The following SLC22A25 variants were observed in gnomAD, a reference collection of about 807,000 sequenced individuals.
SLC22A25 encodes solute carrier family 22 member 25.
Under a neutral mutation model 45.9 loss-of-function variants are expected in SLC22A25, and 44 were observed. The ratio of observed to expected loss-of-function variants is 0.96; its 90% CI spans 0.75 to 1.23. The LOEUF (loss-of-function observed/expected upper bound fraction) is 1.23, where lower values mean the gene tolerates loss of function less well. Among genes scored for constraint, SLC22A25 ranks in the 50% most tolerant of loss-of-function variants. The probability of loss-of-function intolerance (pLI) is 0.00; values close to 1 mark genes in which losing one functional copy is unlikely to be tolerated. For synonymous variants in SLC22A25, 283 were observed against 238.6 expected, an observed-to-expected ratio of 1.19 and a Z score of -1.72; for missense variants, 800 against 666.4, an observed-to-expected ratio of 1.20 and a Z score of -2.21.
chr11:63,166,140 G>T lies in SLC22A25; in HGVS notation c.1189C>A (p.Pro397Thr). 4 of 1,614,042 alleles carry T rather than the reference G, an allele frequency of 2.5e-6. No homozygotes were observed. The highest frequency in any genetic ancestry group is 2.5e-6 in the Non-Finnish European group (3 of 1,179,968). Residue 397 changes from proline (P) to threonine (T), a missense_variant, in exon 10 of 12, where the codon CCT becomes ACT. Transcript: ENST00000306494. The part of the protein sequence containing the change: ...AVTLLANCVA[P>T]WALNHMSRRL... ...CGGCTCATGTGATTCAGTGCCCAAG[G>T]TGCAACACAATTGGCCAGGAGGGTG... is the stretch of plus-strand genomic sequence containing the variant.
At chr11:63,211,361 G>T (rs1032719442) in intron 7 of SLC22A25, among the ~76,000 whole-genome samples, 2 of 152,176 alleles carry the variant, frequency 1.3e-5, no homozygotes, top group Admixed American at 6.5e-5. Flanking sequence ...TCTCCAGGCG[G>T]TAAACAAGGC....
chr11:63,206,886 C>G (rs1323512329), intron 7 of SLC22A25, among the ~76,000 whole-genome samples: 1 of 152,158 alleles, frequency 6.6e-6, no homozygotes, highest in African/African-American at 2.4e-5. Context: ...AACTACATTA[C>G]AAGGCTACAG....
At chr11:63,240,205 T>TA (rs1055901825) in intron 1 of SLC22A25, among the ~76,000 whole-genome samples, 10 of 152,112 alleles carry the variant, frequency 6.6e-5, no homozygotes, top group Non-Finnish European at 1.5e-4. Context: ...AGATAAAAGA[T>TA]AAAAAAATTA....
At chr11:63,212,293 T>C (rs1011730605) in intron 7 of SLC22A25, among the ~76,000 whole-genome samples, 3 of 151,984 alleles carry the variant, frequency 2.0e-5, no homozygotes, top group African/African-American at 7.3e-5. Flanking sequence ...GAAATACCAT[T>C]TGACCCAGCC....
chr11:63,243,151 G>A (rs2090278300), intron 1 of SLC22A25: 1 of 193,422 alleles, frequency 5.2e-6, no homozygotes, highest in South Asian at 1.0e-4. Flanking sequence ...CCTACTCCAA[G>A]TTGACCGTGT....
At chr11:63,203,379 T>TA (rs1232969040) in intron 7 of SLC22A25, among the ~76,000 whole-genome samples, 1 of 151,960 alleles carries the variant, frequency 6.6e-6, no homozygotes, top group East Asian at 1.9e-4. Context: ...GAGCATGTTC[T>TA]AACCCAATGC....
intron 8 of SLC22A25, among the ~76,000 whole-genome samples, chr11:63,181,124 C>A (rs2088303941): frequency 6.6e-6 from 1 of 152,048 alleles, no homozygotes; most frequent in African/African-American, 2.4e-5. Flanking sequence ...AGATGGGCCC[C>A]AAAGACCTGG....
chr11:63,171,555 A>G (rs777843257), intron 9 of SLC22A25, among the ~76,000 whole-genome samples: 49 of 152,230 alleles, frequency 3.2e-4, no homozygotes, highest in Admixed American at 6.5e-5. Flanking sequence ...ACTCCCATTC[A>G]CAATTGCTAC....
At position 63,162,090 on chromosome 11, in the gene SLC22A25, C is replaced by G. The variant is rs895852707; in HGVS notation, c.*1734G>C. Among the ~76,000 whole-genome samples, 1 of 152,084 alleles carries G rather than the reference C, an allele frequency of 6.6e-6. No homozygotes were observed. Among genetic ancestry groups the G allele is most frequent in the Non-Finnish European group, 1.5e-5 (1 of 68,004 alleles). On this transcript the variant is annotated 3_prime_UTR_variant, in exon 12 of 12. Transcript: ENST00000306494. ...TCTTCTTTTGAGAAATACCTATTCA[C>G]GTTGCCCATTGTTTGATGAGATTAT...
At chr11:63,202,311 C>A (rs1352306083) in intron 7 of SLC22A25, among the ~76,000 whole-genome samples, 1 of 151,938 alleles carries the variant, frequency 6.6e-6, no homozygotes. Context: ...ACCATTCACT[C>A]CCCTGTAAAG....
chr11:63,178,084 G>T (rs915421890), intron 9 of SLC22A25, among the ~76,000 whole-genome samples: 2 of 151,340 alleles, frequency 1.3e-5, no homozygotes, highest in East Asian at 3.9e-4. Flanking sequence ...CAGAGTCAGG[G>T]TTTTGCCATG....
At chr11:63,211,126 C>T (rs1413419336) in intron 7 of SLC22A25, among the ~76,000 whole-genome samples, 5 of 152,118 alleles carry the variant, frequency 3.3e-5, no homozygotes, top group African/African-American at 9.7e-5. Context: ...GGAAAACCCC[C>T]CTGGACTTGC....
intron 7 of SLC22A25, among the ~76,000 whole-genome samples, chr11:63,214,921 G>A (rs756573820): frequency 1.4e-4 from 21 of 152,082 alleles, no homozygotes; most frequent in Non-Finnish European, 2.9e-4. Context: ...TCATTAAAAA[G>A]TCAGGAAACA....
Position 63,217,354 on chromosome 11 carries a change from C to A in SLC22A25, c.790G>T (p.Val264Leu). The change falls in exon 7 of 12, where the codon GTG (valine) becomes TTG (leucine). Residue 264 changes from valine to leucine, a missense_variant. By Grantham distance (32) the Val-to-Leu change is conservative (BLOSUM62 1). Coordinates refer to ENST00000306494, the MANE Select transcript of SLC22A25 (RefSeq NM_199352.6). ...AAGACAAAGCATGGTGCAGACATCA[C>A]CAACTGGAGGATGCACTGGTCTCGA... ...VIRDQCILQL[V>L]MSAPCFVFFL... is the part of the protein sequence containing the mutation. The A allele has an allele frequency of 1.2e-6, 2 of 1,613,988 alleles. No individual in the cohort carries two copies. The highest frequency in any genetic ancestry group is 1.7e-6 in the Non-Finnish European group (2 of 1,179,992).
intron 7 of SLC22A25, among the ~76,000 whole-genome samples, chr11:63,216,237 G>C (rs973079277): frequency 6.6e-6 from 1 of 152,158 alleles, no homozygotes; most frequent in Non-Finnish European, 1.5e-5. Flanking sequence ...TGCTGGCTAG[G>C]TTGCGGAGAA....
Position 63,229,335 on chromosome 11 carries a change from G to A in SLC22A25, c.318C>T (p.Pro106=). The stretch of plus-strand genomic sequence containing the variant: ...GCTCTGTATCTGGCTCACTCGTGTT[G>A]GGGAAGGTCCCATTCAGATGAATGA... The part of the protein sequence containing the change: ...WKLIHLNGTF[P]NTSEPDTEPC... Residue 106 remains proline, a synonymous_variant, in exon 4 of 12, where the codon CCC becomes CCT. Coordinates refer to ENST00000306494, the MANE Select transcript of SLC22A25 (RefSeq NM_199352.6). 1 of 1,613,224 alleles carries A rather than the reference G, an allele frequency of 6.2e-7. No homozygotes were observed. The highest frequency in any genetic ancestry group is 8.5e-7 in the Non-Finnish European group (1 of 1,179,502).
chr11:63,181,091 A>T (rs1408042581), intron 8 of SLC22A25, among the ~76,000 whole-genome samples: 1 of 152,058 alleles, frequency 6.6e-6, no homozygotes, highest in Admixed American at 6.6e-5. Context: ...ACTTGGATTA[A>T]ACTCCAAAGC....
intron 7 of SLC22A25, among the ~76,000 whole-genome samples, chr11:63,214,220 T>A (rs2089652578): frequency 6.6e-6 from 1 of 152,282 alleles, no homozygotes; most frequent in South Asian, 2.1e-4. Context: ...ACCCAGTTTG[T>A]TAGGAGTATA....
chr11:63,167,846 A>G (rs2134708757), intron 9 of SLC22A25: 1 of 233,878 alleles, frequency 4.3e-6, no homozygotes, highest in Non-Finnish European at 8.7e-6. Flanking sequence ...TAAGTGGGTC[A>G]CTAACACCTG....
Sources: gnomAD v4.1 joint callset for allele counts (sites outside exome capture counted in the v4.1 genomes callset) on GRCh38, gnomAD v4.1.1 for gene constraint, MANE v1.5 for transcripts, NCBI Gene and HGNC (gene_info 2026-07-23, HGNC 2026-07-21) for gene names.